The following MOCOS variants were observed in gnomAD, a reference collection of about 807,000 sequenced individuals.
MOCOS encodes molybdenum cofactor sulfurase.
A neutral mutation model predicts 83.6 loss-of-function variants in MOCOS; 86 were observed. That is an observed-to-expected ratio of 1.03 (90% CI 0.86 to 1.23). The LOEUF is 1.23. MOCOS is among the 50% of genes most tolerant of loss of function. MOCOS has a pLI of 0.00. For missense variants in MOCOS, 1,120 were observed against 1,126.9 expected (o/e 0.99, Z 0.09); for synonymous variants, 445 against 434.7 (o/e 1.02, Z -0.29).
In MOCOS at chr18:36,215,703, C is replaced by G. The variant is rs1243626018; in HGVS notation, c.1523C>G (p.Thr508Ser). 1 of 1,614,084 alleles carries G rather than the reference C, an allele frequency of 6.2e-7. No individual in the cohort carries two copies. The highest frequency in any genetic ancestry group is 1.3e-5 in the African/African-American group (1 of 74,934). Residue 508 changes from threonine to serine, a missense_variant, in exon 8 of 15, where the codon ACT becomes AGT. By Grantham distance (58) the Thr-to-Ser change is moderately conservative. Coordinates refer to ENST00000261326, the MANE Select transcript of MOCOS (RefSeq NM_017947.4). ...VPQAHADTGETGAPSADSQAD... is the reference protein window; with the variant it reads ...VPQAHADTGESGAPSADSQAD... ...CAGGCCCATGCTGACACCGGGGAGA[C>G]TGGAGCCCCATCAGCAGACAGCCAG...
Position 36,272,051 on chromosome 18 carries a change from T to A in MOCOS, c.*3366T>A, listed in dbSNP as rs540801184. 2 of 152,360 alleles carry A rather than the reference T, an allele frequency of 1.3e-5. No homozygotes were observed. The highest frequency in any genetic ancestry group is 4.1e-4 in the South Asian group (2 of 4,820). 9.4% of individuals were successfully genotyped at this position (152,360 alleles called of 1,614,324 possible). ...GGTAATAGTCAGATGTGATATAGTA[T>A]GTTTAAGCTATAGGATGGCAGGTGC... On this transcript the variant is annotated 3_prime_UTR_variant, in exon 15 of 15. Coordinates refer to ENST00000261326, the MANE Select transcript of MOCOS (RefSeq NM_017947.4).
chr18:36,191,033 A>AAAG (rs1568046524), intron 1 of MOCOS, among the ~76,000 whole-genome samples: 6 of 124,476 alleles, frequency 4.8e-5, no homozygotes, highest in East Asian at 5.2e-4. Context: ...AAAAAAAAAG[A>AAAG]AAAAGAAAAA....
intron 9 of MOCOS, among the ~76,000 whole-genome samples, chr18:36,236,489 A>G (rs1351501687): frequency 2.1e-5 from 2 of 94,956 alleles, no homozygotes; most frequent in Admixed American, 1.2e-4. Flanking sequence ...CCATTGATCT[A>G]TATCTCTGTT....
intron 9 of MOCOS, among the ~76,000 whole-genome samples, chr18:36,227,933 A>G (rs1359284584): frequency 6.6e-6 from 1 of 152,218 alleles, no homozygotes; most frequent in African/African-American, 2.4e-5. Context: ...TTTGCAAACT[A>G]TGCATCTGAC....
chr18:36,201,674 A>AAAAAAAAAAAAAAAAAAG (rs1205619664), intron 4 of MOCOS, among the ~76,000 whole-genome samples: 7 of 148,030 alleles, frequency 4.7e-5, no homozygotes, highest in South Asian at 2.2e-4. Flanking sequence ...AAAAAAAAAA[A>AAAAAAAAAAAAAAAAAAG]AAAAAGAAAT....
In MOCOS at chr18:36,268,626, G is replaced by C. The variant is rs1300593336; in HGVS notation, c.2608G>C (p.Glu870Gln). The stretch of plus-strand genomic sequence containing the variant: ...ATCTCAGGTGCTCCCTGTGTTGAAA[G>C]AGAATGTGGAAGGTCATGATTTACC... Reference protein sequence around the residue: ...VGSQVLPVLKENVEGHDLPAS... With the variant: ...VGSQVLPVLKQNVEGHDLPAS... Residue 870 changes from glutamate to glutamine, a missense_variant, in exon 15 of 15, where the codon GAG becomes CAG. Physicochemically the swap from Glu to Gln is conservative, Grantham distance 29. Transcript: ENST00000261326. 3 of 1,614,082 alleles carry C rather than the reference G, an allele frequency of 1.9e-6. No individual in the cohort carries two copies. Among genetic ancestry groups the C allele is most frequent in the Non-Finnish European group, 2.5e-6 (3 of 1,180,022 alleles).
At chr18:36,217,386 T>C (rs2091479531) in intron 8 of MOCOS, among the ~76,000 whole-genome samples, 1 of 152,228 alleles carries the variant, frequency 6.6e-6, no homozygotes, top group African/African-American at 2.4e-5. Context: ...TTTTAATTTT[T>C]CTAAATTGTG....
chr18:36,222,974 A>G (rs150170207), intron 9 of MOCOS, among the ~76,000 whole-genome samples: 30 of 152,288 alleles, frequency 2.0e-4, no homozygotes, highest in African/African-American at 6.5e-4. Flanking sequence ...AGTTCCTTAT[A>G]TATCTTTGAG....
At chr18:36,241,212 T>C (rs2091581414) in intron 9 of MOCOS, among the ~76,000 whole-genome samples, 2 of 152,094 alleles carry the variant, frequency 1.3e-5, no homozygotes, top group African/African-American at 4.8e-5. Context: ...AAGTCCACAG[T>C]CCAAAGTCTC....
At chr18:36,230,755 G>A (rs1475932543) in intron 9 of MOCOS, among the ~76,000 whole-genome samples, 2 of 152,136 alleles carry the variant, frequency 1.3e-5, no homozygotes, top group African/African-American at 4.8e-5. Flanking sequence ...CTTCCTGATT[G>A]TATGGCACTG....
At position 36,199,805 on chromosome 18, in the gene MOCOS, G is replaced by C; in HGVS notation, c.422G>C (p.Ser141Thr). 6.2e-7 allele frequency: 1 copy of C among 1,614,188 alleles called. No individual in the cohort carries two copies. The highest frequency in any genetic ancestry group is 8.5e-7 in the Non-Finnish European group (1 of 1,180,032). ...TGGGTGTCCCAGGGCCCAGAGAGCA[G>C]TGGGAGTCGCTTCTGTTACCTCACC... ...FPWVSQGPES[S>T]GSRFCYLTDS... Residue 141 changes from serine to threonine, a missense_variant, in exon 4 of 15, where the codon AGT becomes ACT. By Grantham distance (58) the Ser-to-Thr change is moderately conservative. Transcript: ENST00000261326.
Position 36,240,713 on chromosome 18 carries a change from G to T in MOCOS, c.1961-8209G>T, listed in dbSNP as rs185613616. Among the ~76,000 whole-genome samples the T allele has an allele frequency of 4.4e-3, 665 of 152,332 alleles. 6 individuals carry two copies. The highest frequency in any genetic ancestry group is 0.015 in the African/African-American group (640 of 41,574). ...GTTTACCTAAGCAAGCTGGGCAATG[G>T]TGGGCGCCCCTCCCCCAGCCTCGCT... is the stretch of plus-strand genomic sequence containing the variant. On this transcript the variant is annotated intron_variant, in intron 9 of 14. Coordinates refer to ENST00000261326, the MANE Select transcript of MOCOS (RefSeq NM_017947.4).
chr18:36,199,514 G>A (rs540395536), intron 3 of MOCOS, among the ~76,000 whole-genome samples, 169 bp from the exon 4 acceptor site: 14 of 152,350 alleles, frequency 9.2e-5, no homozygotes, highest in African/African-American at 3.4e-4. Flanking sequence ...TTTGCCAACT[G>A]GAACTCGTTC....
chr18:36,215,663 G>C lies in MOCOS; in HGVS notation c.1483G>C (p.Asp495His), dbSNP rs8088347. Residue 495 changes from aspartate to histidine, a missense_variant, in exon 8 of 15, where the codon GAC becomes CAC. Physicochemically the swap from Asp to His is moderately conservative, Grantham distance 81. Coordinates refer to ENST00000261326, the MANE Select transcript of MOCOS (RefSeq NM_017947.4). ...IIDTRLHSSG[D>H]WPVPQAHADT... ...AGACACTCGCCTGCACTCATCAGGG[G>C]ACTGGCCTGTCCCTCAGGCCCATGC... 4 of 1,614,032 alleles carry C rather than the reference G, an allele frequency of 2.5e-6. No individual in the cohort carries two copies. In the South Asian group the frequency reaches 4.4e-5, roughly 18 times the overall value.
Position 36,229,475 on chromosome 18 carries a change from G to A in MOCOS, c.1960+9258G>A, listed in dbSNP as rs183377710. Among the ~76,000 whole-genome samples the A allele has an allele frequency of 1.2e-4, 19 of 152,224 alleles. No homozygotes were observed. The East Asian group carries it at 1.3e-3, about 11-fold the overall frequency. On this transcript the variant is annotated intron_variant, in intron 9 of 14. Transcript: ENST00000261326. ...GCAATCTGATTATATGTGTCTTGGC[G>A]TGGATTTTTTCAGATTTATCTTATT...
intron 7 of MOCOS, among the ~76,000 whole-genome samples, chr18:36,213,907 G>A (rs1370187987): frequency 6.7e-6 from 1 of 149,502 alleles, no homozygotes; most frequent in Non-Finnish European, 1.5e-5. Context: ...CCAGTGCCTG[G>A]GTGACAGAGC....
At chr18:36,247,777 C>T (rs2091607727) in intron 9 of MOCOS, among the ~76,000 whole-genome samples, 1 of 152,186 alleles carries the variant, frequency 6.6e-6, no homozygotes, top group Non-Finnish European at 1.5e-5. Flanking sequence ...CAGCAAGCTG[C>T]TTCTTTCAAA....
At chr18:36,212,794 A>G (rs1250447440) in intron 6 of MOCOS, among the ~76,000 whole-genome samples, 4 of 152,154 alleles carry the variant, frequency 2.6e-5, no homozygotes, top group Admixed American at 2.6e-4. Flanking sequence ...TATTTTCCTG[A>G]ATGCAGTTCA....
chr18:36,266,659 G>A, intron 13 of MOCOS, 90 bp from the exon 14 acceptor site: 2 of 1,066,652 alleles, frequency 1.9e-6, no homozygotes, highest in Non-Finnish European at 2.9e-6. Context: ...ATAGTTAGGG[G>A]ACTGGGCATT....
Sources: allele counts gnomAD v4.1 joint callset (sites outside exome capture counted in the v4.1 genomes callset), GRCh38; gene constraint gnomAD v4.1.1; transcripts MANE v1.5; gene names NCBI Gene and HGNC (gene_info 2026-07-23, HGNC 2026-07-21).